The following PSME4 variants were observed in gnomAD, a reference collection of about 807,000 sequenced individuals.
PSME4 encodes the protein proteasome activator subunit 4, also known as proteasome activator complex subunit 4.
Under a neutral mutation model 253.9 loss-of-function variants are expected in PSME4, and 89 were observed. The ratio of observed to expected loss-of-function variants is 0.35; its 90% CI spans 0.30 to 0.42. PSME4 has a LOEUF of 0.42. PSME4 is among the 10% of genes least tolerant of loss of function. The pLI is 1.00. For synonymous variants in PSME4, 851 were observed against 759.2 expected (o/e 1.12, Z -1.99); for missense variants, 2,014 against 2,195.2 (o/e 0.92, Z 1.65).
At chr2:53,915,868 C>T (rs112504476) in intron 20 of PSME4, among the ~76,000 whole-genome samples, 37 of 151,894 alleles carry the variant, frequency 2.4e-4, no homozygotes, top group Non-Finnish European at 1.0e-4. Context: ...GTCAGGAGTT[C>T]GAGACCAGCC....
intron 41 of PSME4, chr2:53,881,595 A>T (rs925630062): frequency 1.3e-5 from 2 of 151,786 alleles, no homozygotes; most frequent in South Asian, 4.2e-4. Context: ...CACCTGTCAC[A>T]GGCAGAATTT....
chr2:53,876,171 A>G (rs1679109951), intron 41 of PSME4, among the ~76,000 whole-genome samples: 1 of 152,232 alleles, frequency 6.6e-6, no homozygotes, highest in African/African-American at 2.4e-5. Flanking sequence ...GTGTTATTAC[A>G]ACTGGTTTTT....
At chr2:53,965,910 G>T (rs1304953760) in intron 1 of PSME4, among the ~76,000 whole-genome samples, 1 of 151,460 alleles carries the variant, frequency 6.6e-6, no homozygotes, top group Admixed American at 6.6e-5. Context: ...CTGACCTTGT[G>T]ATCCACCTGC....
intron 3 of PSME4, among the ~76,000 whole-genome samples, chr2:53,940,907 TACATATTTAAATATA>T (rs1463562495): frequency 3.4e-5 from 4 of 116,660 alleles, no homozygotes; most frequent in Non-Finnish European, 6.8e-5. Context: ...ATATATATAA[TACATATTTAAATATA>T]TATATAATAC....
intron 3 of PSME4, among the ~76,000 whole-genome samples, chr2:53,940,922 A>ATC (rs1327073743): frequency 7.8e-6 from 1 of 128,384 alleles, no homozygotes; most frequent in African/African-American, 2.8e-5. Flanking sequence ...ATTTAAATAT[A>ATC]TATATAATAC....
intron 38 of PSME4, 171 bp from the exon 39 acceptor site, chr2:53,888,160 C>T (rs1679728427): frequency 1.8e-6 from 1 of 554,930 alleles, no homozygotes; most frequent in South Asian, 5.2e-5. Flanking sequence ...TTTATTTTTC[C>T]TATATCATTT....
At chr2:53,940,940 A>AATATATATACATATTT (rs1669382144) in intron 3 of PSME4, among the ~76,000 whole-genome samples, 1 of 51,314 alleles carries the variant, frequency 1.9e-5, no homozygotes, top group Non-Finnish European at 3.5e-5. Flanking sequence ...TACATATATA[A>AATATATATACATATTT]ATATATATAT....
At chr2:53,960,932 AC>A (rs1670470954) in intron 1 of PSME4, among the ~76,000 whole-genome samples, 1 of 152,110 alleles carries the variant, frequency 6.6e-6, no homozygotes, top group African/African-American at 2.4e-5. Context: ...ACATGGAGAA[AC>A]CCAGTCTCTA....
rs1668296725 is a variant in PSME4, at chr2:53,921,157, C to T, written c.2047-53G>A. The T allele has an allele frequency of 3.1e-6, 5 of 1,604,736 alleles. No homozygotes were observed. The East Asian group carries it at 1.1e-4, about 36-fold the overall frequency. On this transcript the variant is annotated intron_variant, in intron 17 of 46. Transcript: ENST00000404125. ...ATATTTTGGTTAAAAGAACAAGAAC[C>T]AATCATTAATGCAAAGTTCAATGTT...
chr2:53,934,788 G>A (rs916412928), intron 7 of PSME4, 61 bp from the exon 8 acceptor site: 1 of 1,306,562 alleles, frequency 7.7e-7, no homozygotes, highest in African/African-American at 1.5e-5. Flanking sequence ...CTTTAGCTTA[G>A]TAAGTGCTGT....
intron 15 of PSME4, 69 bp from the exon 16 acceptor site, chr2:53,923,187 G>A: frequency 1.4e-6 from 2 of 1,476,820 alleles, no homozygotes; most frequent in South Asian, 2.5e-5. Context: ...ATTTTCAGTG[G>A]CAGTAAAAGG....
chr2:53,920,561 T>C (rs1238196465), intron 18 of PSME4, among the ~76,000 whole-genome samples: 1 of 152,238 alleles, frequency 6.6e-6, no homozygotes, highest in East Asian at 1.9e-4. Context: ...CGAAGAGTAC[T>C]CATTATAATA....
rs1419723741 is a variant in PSME4, at chr2:53,872,287, T to C, written c.5100+2052A>G. Reference sequence around the variant, plus strand: ...ACTATTTTCCTCTATTTCTAAGAAGTTTCCTTTAAATACAGTAAGGTTTCT... The same window carrying C: ...ACTATTTTCCTCTATTTCTAAGAAGCTTCCTTTAAATACAGTAAGGTTTCT... On this transcript the variant is annotated intron_variant, in intron 43 of 46. Transcript: ENST00000404125. Among the ~76,000 whole-genome samples the C allele has an allele frequency of 2.0e-5, 3 of 152,296 alleles. No individual in the cohort carries two copies. The East Asian group carries it at 5.8e-4, about 29-fold the overall frequency.
chr2:53,908,986 G>A, intron 21 of PSME4, 146 bp from the exon 22 acceptor site: 1 of 541,398 alleles, frequency 1.8e-6, no homozygotes, highest in Non-Finnish European at 3.3e-6. Context: ...TTAATGGCTA[G>A]GCATGCTACA....
At chr2:53,879,477 A>G (rs1329876500) in intron 41 of PSME4, among the ~76,000 whole-genome samples, 2 of 152,356 alleles carry the variant, frequency 1.3e-5, no homozygotes, top group East Asian at 3.9e-4. Context: ...GTGACTTTTA[A>G]AAGCAGGGTA....
At chr2:53,892,588 C>G (rs1679960703) in intron 36 of PSME4, among the ~76,000 whole-genome samples, 1 of 151,734 alleles carries the variant, frequency 6.6e-6, no homozygotes, top group Admixed American at 6.6e-5. Flanking sequence ...ATTTTTTCCC[C>G]CAATGTGGAT....
chr2:53,866,653 G>A (rs1678578223), intron 45 of PSME4, 94 bp downstream of exon 45: 7 of 1,322,632 alleles, frequency 5.3e-6, no homozygotes, highest in Non-Finnish European at 7.1e-6. Context: ...CTTTATGAAA[G>A]CAGTTAGTTC....
chr2:53,866,232 T>C lies in PSME4; in HGVS notation c.5398-9A>G, dbSNP rs533545828. On this transcript the variant is annotated splice_polypyrimidine_tract_variant and intron_variant, in intron 45 of 46. Coordinates refer to ENST00000404125, the MANE Select transcript of PSME4 (RefSeq NM_014614.3). ...GTTTTTTTTACAGTCATCTGTAAAG[T>C]AGACAACCCACATACGTTTTAACCT... 5.3e-5 allele frequency: 86 copies of C among 1,613,452 alleles called. No homozygotes were observed. The highest frequency in any genetic ancestry group is 1.8e-4 in the South Asian group (16 of 90,954).
intron 8 of PSME4, among the ~76,000 whole-genome samples, chr2:53,933,633 C>T (rs1373613152): frequency 1.3e-5 from 2 of 152,190 alleles, no homozygotes; most frequent in Non-Finnish European, 2.9e-5. Context: ...CCTTCCATCT[C>T]GGCTTCCCAA....
Sources: gnomAD v4.1 joint callset for allele counts (sites outside exome capture counted in the v4.1 genomes callset) on GRCh38, gnomAD v4.1.1 for gene constraint, MANE v1.5 for transcripts, NCBI Gene and HGNC (gene_info 2026-07-23, HGNC 2026-07-21) for gene names.